Variants in ALK observed in about 807,000 individuals in gnomAD.
ALK encodes the protein ALK receptor tyrosine kinase, also known as ALK tyrosine kinase receptor.
A neutral mutation model predicts 163.1 loss-of-function variants in ALK; 74 were observed. The observed-to-expected ratio is 0.45, with a 90% CI of 0.38 to 0.55. The LOEUF (loss-of-function observed/expected upper bound fraction) is 0.55. Among genes scored for constraint, ALK ranks in the 20% least tolerant of loss-of-function variants. The pLI is 0.00. For missense variants in ALK, 2,063 were observed against 2,105.3 expected (o/e 0.98, Z 0.39); for synonymous variants, 960 against 843.2 (o/e 1.14, Z -2.40).
Position 29,492,117 on chromosome 2 carries a change from A to C in ALK, c.1154+39798T>G, listed in dbSNP as rs139668471. Among the ~76,000 whole-genome samples, 326 of 152,318 alleles carry C rather than the reference A, an allele frequency of 2.1e-3. 2 individuals carry two copies. Among genetic ancestry groups the C allele is most frequent in the Non-Finnish European group, 3.5e-3 (241 of 68,022 alleles). On this transcript the variant is annotated intron_variant, in intron 4 of 28. Coordinates refer to ENST00000389048, the MANE Select transcript of ALK (RefSeq NM_004304.5). ...ATATCATCCTGGGTCTGGCTCAAAG[A>C]ATATGCCATGGTTACCATTACCAAT... is the stretch of plus-strand genomic sequence containing the variant.
intron 11 of ALK, among the ~76,000 whole-genome samples, chr2:29,257,690 A>AT (rs1664985407): frequency 6.6e-6 from 1 of 152,024 alleles, no homozygotes; most frequent in African/African-American, 2.4e-5. Flanking sequence ...CATTTGTACA[A>AT]TTTTTATTCA....
intron 1 of ALK, among the ~76,000 whole-genome samples, chr2:29,743,961 T>C (rs1680134343): frequency 6.6e-6 from 1 of 151,764 alleles, no homozygotes; most frequent in Admixed American, 6.6e-5. Flanking sequence ...AAAAAATGCT[T>C]AGACCATGTT....
chr2:29,887,180 T>C (rs778585935), intron 1 of ALK, among the ~76,000 whole-genome samples: 7 of 152,242 alleles, frequency 4.6e-5, no homozygotes, highest in Non-Finnish European at 8.8e-5. Context: ...TGGTTTTAAC[T>C]AGTTGATTCT....
chr2:29,743,311 C>T (rs571350929), intron 1 of ALK, among the ~76,000 whole-genome samples: 2 of 152,148 alleles, frequency 1.3e-5, no homozygotes, highest in East Asian at 1.9e-4. Flanking sequence ...GTATGATGTT[C>T]GACTTGGAAA....
intron 3 of ALK, among the ~76,000 whole-genome samples, chr2:29,636,053 T>C (rs1676516465): frequency 6.6e-6 from 1 of 152,152 alleles, no homozygotes; most frequent in South Asian, 2.1e-4. Flanking sequence ...AAAAAGGAAC[T>C]AGAATAGCTA....
chr2:29,492,988 T>C (rs1329371101), intron 4 of ALK, among the ~76,000 whole-genome samples: 1 of 152,206 alleles, frequency 6.6e-6, no homozygotes, highest in Non-Finnish European at 1.5e-5. Flanking sequence ...TCTCTTCTGA[T>C]AGGCTTGGCA....
intron 3 of ALK, among the ~76,000 whole-genome samples, chr2:29,636,215 T>C (rs1573516807): frequency 2.0e-5 from 3 of 151,982 alleles, no homozygotes; most frequent in Non-Finnish European, 4.4e-5. Context: ...AACAGACACA[T>C]ACAAATATGC....
At chr2:29,433,021 A>G (rs1282036258) in intron 4 of ALK, among the ~76,000 whole-genome samples, 1 of 152,182 alleles carries the variant, frequency 6.6e-6, no homozygotes, top group Admixed American at 6.5e-5. Flanking sequence ...ACCATCTATG[A>G]TTTCACACAA....
rs147719419 is a variant in ALK, at chr2:29,244,481, G to A, written c.2205-4651C>T. Among the ~76,000 whole-genome samples, 716 of 152,270 alleles carry A rather than the reference G, an allele frequency of 4.7e-3. 2 individuals carry two copies. The highest frequency in any genetic ancestry group is 0.016 in the African/African-American group (653 of 41,538). ...GTGCTTCTCAGTGGGGCCGGCCCAG[G>A]TTCCACTCCTGTTGCATCAGTGAGC... On this transcript the variant is annotated intron_variant, in intron 12 of 28. Transcript: ENST00000389048.
At chr2:29,664,849 T>A (rs936921934) in intron 3 of ALK, among the ~76,000 whole-genome samples, 2 of 152,146 alleles carry the variant, frequency 1.3e-5, no homozygotes, top group African/African-American at 4.8e-5. Flanking sequence ...ATTACTATAA[T>A]AGTCTTCCAT....
intron 1 of ALK, among the ~76,000 whole-genome samples, chr2:29,755,180 C>A (rs755761132): frequency 6.6e-6 from 1 of 152,188 alleles, no homozygotes; most frequent in Non-Finnish European, 1.5e-5. Flanking sequence ...CAGAAGCTGG[C>A]GACCAGCACT....
chr2:29,718,396 ATGATCATGCACTGCC>A (rs1679325799), intron 1 of ALK, among the ~76,000 whole-genome samples: 1 of 152,238 alleles, frequency 6.6e-6, no homozygotes, highest in Non-Finnish European at 1.5e-5. Context: ...TACAAATCAA[ATGATCATGCACTGCC>A]TGATCTAACA....
At chr2:29,902,138 T>C (rs1238834507) in intron 1 of ALK, among the ~76,000 whole-genome samples, 1 of 152,210 alleles carries the variant, frequency 6.6e-6, no homozygotes, top group African/African-American at 2.4e-5. Context: ...TCTAGTGCCA[T>C]GTTTCCAGCT....
intron 1 of ALK, among the ~76,000 whole-genome samples, chr2:29,883,216 CCT>C (rs1666909327): frequency 6.6e-6 from 1 of 152,018 alleles, no homozygotes; most frequent in South Asian, 2.1e-4. Flanking sequence ...CCCTTACTTC[CCT>C]GTTAGGCAGG....
chr2:29,846,450 C>T (rs1306381372), intron 1 of ALK, among the ~76,000 whole-genome samples: 2 of 152,204 alleles, frequency 1.3e-5, no homozygotes, highest in East Asian at 3.8e-4. Context: ...ATATTAGCTC[C>T]ATGAGAACAA....
At chr2:29,544,554 T>C (rs554668940) in intron 3 of ALK, among the ~76,000 whole-genome samples, 2 of 152,090 alleles carry the variant, frequency 1.3e-5, no homozygotes, top group East Asian at 1.9e-4. Context: ...TTGCAGAAAA[T>C]AGGAAAGGAA....
intron 3 of ALK, among the ~76,000 whole-genome samples, chr2:29,539,821 G>A (rs1673365836): frequency 1.3e-5 from 2 of 152,222 alleles, no homozygotes; most frequent in South Asian, 4.2e-4. Context: ...CTAAAGTTAA[G>A]AAAACTTTTT....
chr2:29,912,026 A>G lies in ALK; in HGVS notation c.667+7967T>C, dbSNP rs182043420. 5.9e-5 allele frequency among the ~76,000 whole-genome samples: 9 copies of G among 152,344 alleles called. No homozygotes were observed. In the East Asian group the frequency reaches 1.7e-3, roughly 29 times the overall value. ...TCAGAATGGAGATAACAGAGGAAAG[A>G]GTCAATCAACTTGAGGATAGGTCAA... On this transcript the variant is annotated intron_variant, in intron 1 of 28. Coordinates refer to ENST00000389048, the MANE Select transcript of ALK (RefSeq NM_004304.5).
chr2:29,758,612 C>A (rs1368262482), intron 1 of ALK, among the ~76,000 whole-genome samples: 1 of 152,194 alleles, frequency 6.6e-6, no homozygotes. Context: ...CTGGCCCTCT[C>A]CTTGGCTCCC....
Sources: allele counts gnomAD v4.1 joint callset (sites outside exome capture counted in the v4.1 genomes callset), GRCh38; gene constraint gnomAD v4.1.1; transcripts MANE v1.5; gene names NCBI Gene and HGNC (gene_info 2026-07-23, HGNC 2026-07-21).